Variants in ZNF578 observed in about 807,000 individuals in gnomAD.
ZNF578 encodes the protein Putative chemokine-related protein B42.
ZNF578 carries 8 observed loss-of-function variants against 8.3 expected under a neutral mutation model. The observed-to-expected ratio is 0.96, with a 90% CI of 0.56 to 1.74. The LOEUF (loss-of-function observed/expected upper bound fraction) is 1.74. ZNF578 is among the 40% of genes most tolerant of loss of function. ZNF578 has a pLI of 0.00. For synonymous variants in ZNF578, 206 were observed against 232.2 expected (o/e 0.89, Z 1.03); for missense variants, 726 against 707.5 (o/e 1.03, Z -0.30).
intron 2 of ZNF578, among the ~76,000 whole-genome samples, chr19:52,476,767 G>T (rs2059309582): frequency 6.6e-6 from 1 of 152,214 alleles, no homozygotes; most frequent in African/African-American, 2.4e-5. Flanking sequence ...TCCCACTAGG[G>T]ATGTGGAGGT....
intron 4 of ZNF578, among the ~76,000 whole-genome samples, chr19:52,502,932 A>G (rs1026336011): frequency 6.6e-6 from 1 of 152,014 alleles, no homozygotes; most frequent in African/African-American, 2.4e-5. Flanking sequence ...TCGCTCAGTC[A>G]CCAAAGCTGG....
intron 2 of ZNF578, among the ~76,000 whole-genome samples, chr19:52,475,430 C>T (rs2059305315): frequency 6.7e-6 from 1 of 150,164 alleles, no homozygotes; most frequent in Admixed American, 6.6e-5. Context: ...GATCTCTGCT[C>T]ACTGCAACCT....
intron 4 of ZNF578, among the ~76,000 whole-genome samples, chr19:52,504,030 A>C (rs1395829851): frequency 1.3e-5 from 2 of 151,620 alleles, no homozygotes; most frequent in African/African-American, 4.8e-5. Flanking sequence ...TTTCTTGACC[A>C]CATTATCTGC....
At position 52,514,010 on chromosome 19, in the gene ZNF578, G is replaced by A. The variant is rs1392850358; in HGVS notation, c.*1856G>A. ...ACTGTACTGCAGCGAGGTTGGCAGA[G>A]TGAGTCTCCATCTCAAACAAACAAA... On this transcript the variant is annotated 3_prime_UTR_variant, in exon 6 of 6. Coordinates refer to ENST00000421239, the MANE Select transcript of ZNF578 (RefSeq NM_001099694.2). 2.7e-5 allele frequency among the ~76,000 whole-genome samples: 4 copies of A among 147,272 alleles called. No homozygotes were observed. Among genetic ancestry groups the A allele is most frequent in the Admixed American group, 6.8e-5 (1 of 14,630 alleles).
chr19:52,493,579 A>G (rs1005379936), intron 3 of ZNF578, among the ~76,000 whole-genome samples: 1 of 152,088 alleles, frequency 6.6e-6, no homozygotes, highest in Non-Finnish European at 1.5e-5. Flanking sequence ...GAGTGGGGAC[A>G]GGGGGGTATA....
chr19:52,476,363 G>A (rs2059308330), intron 2 of ZNF578, among the ~76,000 whole-genome samples: 1 of 152,156 alleles, frequency 6.6e-6, no homozygotes, highest in Non-Finnish European at 1.5e-5. Flanking sequence ...TGTTTCTCCT[G>A]TGTTAGGGGC....
Position 52,513,961 on chromosome 19 carries a change from G to A in ZNF578, c.*1807G>A, listed in dbSNP as rs2059461888. Among the ~76,000 whole-genome samples the A allele has an allele frequency of 6.6e-6, 1 of 151,994 alleles. No homozygotes were observed. Among genetic ancestry groups the A allele is most frequent in the Non-Finnish European group, 1.5e-5 (1 of 68,008 alleles). On this transcript the variant is annotated 3_prime_UTR_variant, in exon 6 of 6. Transcript: ENST00000421239. ...AATCACTTAAACCTGGGAGGTAGAG[G>A]TTACAGCGAATCAAAACCGTGCCAC...
chr19:52,491,231 A>G (rs576219975), intron 2 of ZNF578, 93 bp from the exon 3 acceptor site: 9 of 130,654 alleles, frequency 6.9e-5, no homozygotes, highest in Non-Finnish European at 1.1e-4. Flanking sequence ...GAAAGTTTAA[A>G]ATAAGTATTT....
At chr19:52,505,129 C>T (rs1394756848) in intron 5 of ZNF578, among the ~76,000 whole-genome samples, 2 of 152,132 alleles carry the variant, frequency 1.3e-5, no homozygotes, top group African/African-American at 2.4e-5. Context: ...TCAGGTGATC[C>T]GCCCACCTTG....
chr19:52,502,540 CAGCCTGGCCAACATGGTGAA>C (rs2059411453), intron 4 of ZNF578, among the ~76,000 whole-genome samples: 1 of 152,036 alleles, frequency 6.6e-6, no homozygotes, highest in Non-Finnish European at 1.5e-5. Flanking sequence ...AGTTCAAGAC[CAGCCTGGCCAACATGGTGAA>C]ACCCCATCTC....
intron 2 of ZNF578, among the ~76,000 whole-genome samples, chr19:52,477,121 A>T (rs10421388): frequency 0.018 from 2,710 of 152,300 alleles, 75 homozygotes; most frequent in African/African-American, 0.063. Context: ...GTGATGCCTC[A>T]CAAGTTAAGA....
chr19:52,487,534 T>C (rs1241552640), intron 2 of ZNF578, among the ~76,000 whole-genome samples: 2 of 152,214 alleles, frequency 1.3e-5, no homozygotes, highest in Non-Finnish European at 2.9e-5. Flanking sequence ...AAGTGACTTA[T>C]TCAGTTGTGA....
intron 3 of ZNF578, among the ~76,000 whole-genome samples, chr19:52,496,084 A>G (rs1327610533): frequency 6.6e-6 from 1 of 151,842 alleles, no homozygotes; most frequent in Non-Finnish European, 1.5e-5. Flanking sequence ...GAGTGGAGCG[A>G]TCTGGACTCA....
intron 4 of ZNF578, among the ~76,000 whole-genome samples, chr19:52,504,097 CTT>C (rs369235837): frequency 7.0e-6 from 1 of 143,618 alleles, no homozygotes. Context: ...CCTGGCATTG[CTT>C]TTTTTTTTTA....
At position 52,515,422 on chromosome 19, in the gene ZNF578, A is replaced by G. The variant is rs1187183835; in HGVS notation, c.*3268A>G. 3.3e-5 allele frequency among the ~76,000 whole-genome samples: 5 copies of G among 152,204 alleles called. No homozygotes were observed. In the South Asian group the frequency reaches 8.3e-4, roughly 25 times the overall value. ...AGGAAGAATTAACTGTCAGGAATCA[A>G]TGTCATCAGAACCTTGCAAAAGAAG... On this transcript the variant is annotated 3_prime_UTR_variant, in exon 6 of 6. Transcript: ENST00000421239.
At chr19:52,473,169 C>T (rs890194981) in intron 2 of ZNF578, among the ~76,000 whole-genome samples, 1 of 152,202 alleles carries the variant, frequency 6.6e-6, no homozygotes, top group Non-Finnish European at 1.5e-5. Flanking sequence ...CATGGTTTCT[C>T]TTTACTATGG....
intron 2 of ZNF578, chr19:52,475,059 A>G (rs1224219235): frequency 5.4e-6 from 1 of 185,902 alleles, no homozygotes; most frequent in African/African-American, 2.4e-5. Context: ...TTACGTTTGT[A>G]AGATTTCTCT....
In ZNF578 at chr19:52,511,804, A is replaced by G; in HGVS notation, c.1423A>G (p.Ile475Val). Residue 475 changes from isoleucine (I) to valine (V), a missense_variant, in exon 6 of 6, where the codon ATA (isoleucine) becomes GTA (valine). Coordinates refer to ENST00000421239, the MANE Select transcript of ZNF578 (RefSeq NM_001099694.2). ...GAAATCAAACCTTGAGAGACACAAG[A>G]TAATTCATACTGGAGAGAAACCTTA... Reference protein sequence around the residue: ...SQKSNLERHKIIHTGEKPYKC... With the variant: ...SQKSNLERHKVIHTGEKPYKC... 1 of 1,613,824 alleles carries G rather than the reference A, an allele frequency of 6.2e-7. No homozygotes were observed. The highest frequency in any genetic ancestry group is 8.5e-7 in the Non-Finnish European group (1 of 1,179,876).
At chr19:52,477,601 T>G (rs1242241610) in intron 2 of ZNF578, among the ~76,000 whole-genome samples, 9 of 152,084 alleles carry the variant, frequency 5.9e-5, no homozygotes, top group African/African-American at 1.2e-4. Context: ...TTTAGGGTTT[T>G]TTTTTTTTTT....
Sources: allele counts gnomAD v4.1 joint callset (sites outside exome capture counted in the v4.1 genomes callset), GRCh38; gene constraint gnomAD v4.1.1; transcripts MANE v1.5; gene names NCBI Gene and HGNC (gene_info 2026-07-23, HGNC 2026-07-21).